The following NDEL1 variants were observed in gnomAD, a reference collection of about 807,000 sequenced individuals.
NDEL1 encodes nudE neurodevelopment protein 1 like 1, also known as nuclear distribution protein nudE-like 1.
In NDEL1, 9 loss-of-function variants were observed where a neutral mutation model predicts 45.7. That is an observed-to-expected ratio of 0.20 (90% CI 0.12 to 0.34). NDEL1 has a LOEUF of 0.34. Ranked by LOEUF, NDEL1 falls within the 10% of genes least tolerant of loss-of-function variation. The pLI is 1.00. For synonymous variants in NDEL1, 133 were observed against 158.6 expected (o/e 0.84, Z 1.21); for missense variants, 306 against 406.2 (o/e 0.75, Z 2.12).
chr17:8,429,158 T>C lies in NDEL1; in HGVS notation c.-12-15102T>C, dbSNP rs192353910. Among the ~76,000 whole-genome samples the C allele has an allele frequency of 1.5e-3, 231 of 152,324 alleles. 2 individuals carry two copies. The highest frequency in any genetic ancestry group is 1.7e-3 in the Non-Finnish European group (115 of 68,020). On this transcript the variant is annotated intron_variant, in intron 1 of 4. Coordinates refer to the NDEL1 transcript ENST00000582812. ...TATATCATCTAAGTTCAGCCTTTCA[T>C]ACCAGCGAAAATCTCTGTCTATGGT...
intron 1 of NDEL1, among the ~76,000 whole-genome samples, chr17:8,413,499 G>A (rs537972321): frequency 3.9e-5 from 6 of 152,256 alleles, no homozygotes; most frequent in African/African-American, 9.6e-5. Flanking sequence ...TATCATTTGC[G>A]CACATCTTCC....
intron 1 of NDEL1, among the ~76,000 whole-genome samples, chr17:8,441,839 C>G (rs1909755809): frequency 1.3e-5 from 2 of 152,114 alleles, no homozygotes; most frequent in African/African-American, 2.4e-5. Context: ...CTGTCCAGGT[C>G]ATGGTTTTCT....
intron 1 of NDEL1, chr17:8,444,057 G>C: frequency 2.2e-6 from 1 of 453,636 alleles, no homozygotes; most frequent in African/African-American, 2.0e-5. Flanking sequence ...CCTTTGTCAT[G>C]ATCTCATTCA....
At chr17:8,452,376 A>G (rs1910560036) in intron 6 of NDEL1, among the ~76,000 whole-genome samples, 1 of 152,184 alleles carries the variant, frequency 6.6e-6, no homozygotes, top group African/African-American at 2.4e-5. Context: ...GTTTTCATTC[A>G]GGGACTTGGG....
Position 8,445,795 on chromosome 17 carries a change from G to T in NDEL1, c.171G>T (p.Gln57His), listed in dbSNP as rs777895464. The change falls in exon 3 of 9, where the codon CAG becomes CAT. Residue 57 changes from glutamine to histidine, a missense_variant. By Grantham distance (24) the Gln-to-His change is conservative (BLOSUM62 0). Around this residue, in one of 3 missense-constraint regions of NDEL1, gnomAD observed 112 missense variants for 148.3 expected, o/e 0.76. Coordinates refer to ENST00000334527, the MANE Select transcript of NDEL1 (RefSeq NM_030808.5). ...LEAELEAQLV[Q>H]AEQRNRDLQA... The stretch of plus-strand genomic sequence containing the variant: ...CAGAGTTGGAGGCACAATTAGTACA[G>T]GCTGAACAAAGAAATAGAGACTTGC... 1 of 1,589,212 alleles carries T rather than the reference G, an allele frequency of 6.3e-7. No individual in the cohort carries two copies. The highest frequency in any genetic ancestry group is 8.5e-7 in the Non-Finnish European group (1 of 1,171,150).
chr17:8,453,694 A>G (rs1413924345), intron 6 of NDEL1, among the ~76,000 whole-genome samples: 2 of 152,206 alleles, frequency 1.3e-5, no homozygotes. Flanking sequence ...TCAATCTGTA[A>G]TTTCAACTTC....
chr17:8,451,962 T>G (rs888120072), intron 6 of NDEL1, among the ~76,000 whole-genome samples: 1 of 152,236 alleles, frequency 6.6e-6, no homozygotes. Context: ...AAATTCAGTT[T>G]CTTTGTCACA....
upstream of NDEL1, among the ~76,000 whole-genome samples, chr17:8,433,273 G>T (rs1909062679): frequency 6.6e-6 from 1 of 152,216 alleles, no homozygotes; most frequent in Admixed American, 6.5e-5. Flanking sequence ...AATCTGTTGA[G>T]ATATCTGTGG....
chr17:8,418,279 C>T (rs890297385), intron 1 of NDEL1, among the ~76,000 whole-genome samples: 6 of 152,126 alleles, frequency 3.9e-5, no homozygotes, highest in African/African-American at 1.4e-4. Flanking sequence ...TGAAGATACA[C>T]GTGTTTAATC....
chr17:8,457,653 T>C (rs1299177817), intron 7 of NDEL1, among the ~76,000 whole-genome samples: 1 of 152,244 alleles, frequency 6.6e-6, no homozygotes, highest in Non-Finnish European at 1.5e-5. Context: ...TTAAGCTTCT[T>C]TGATTTCTTT....
chr17:8,435,560 G>A (rs1178940367), upstream of NDEL1, among the ~76,000 whole-genome samples: 2 of 152,222 alleles, frequency 1.3e-5, no homozygotes, highest in African/African-American at 2.4e-5. Context: ...TTTTATAAAC[G>A]GGAACACAGA....
At chr17:8,440,823 A>C (rs1049017933) in intron 1 of NDEL1, among the ~76,000 whole-genome samples, 2 of 152,242 alleles carry the variant, frequency 1.3e-5, no homozygotes, top group Admixed American at 6.5e-5. Flanking sequence ...TCTTCAAAGC[A>C]TTAACTGCTA....
At chr17:8,442,756 C>A (rs1597531509) in intron 1 of NDEL1, among the ~76,000 whole-genome samples, 2 of 133,642 alleles carry the variant, frequency 1.5e-5, no homozygotes, top group Non-Finnish European at 3.2e-5. Context: ...TTCTATGCAT[C>A]TCCAGGTTTT....
intron 6 of NDEL1, among the ~76,000 whole-genome samples, chr17:8,452,511 CT>C (rs1294085685): frequency 6.6e-6 from 1 of 152,068 alleles, no homozygotes; most frequent in African/African-American, 2.4e-5. Flanking sequence ...ACTGGCTAAC[CT>C]AAAAGCTGCT....
chr17:8,428,658 T>C (rs1378887808), intron 1 of NDEL1, among the ~76,000 whole-genome samples: 3 of 140,528 alleles, frequency 2.1e-5, no homozygotes, highest in Non-Finnish European at 3.1e-5. Flanking sequence ...CCCCCATGCC[T>C]GGCCCCAAGT....
chr17:8,470,438 A>G (rs755269321), downstream of NDEL1, among the ~76,000 whole-genome samples: 5 of 152,148 alleles, frequency 3.3e-5, no homozygotes, highest in Non-Finnish European at 5.9e-5. The surrounding 1 kb of genome is among the most constrained non-coding windows in gnomAD (Gnocchi z 4.2). Flanking sequence ...GTCTTACAAG[A>G]GAGTAGTAGC....
At chr17:8,423,529 C>CA (rs908608572) in intron 1 of NDEL1, among the ~76,000 whole-genome samples, 11 of 151,986 alleles carry the variant, frequency 7.2e-5, no homozygotes, top group African/African-American at 2.7e-4. Flanking sequence ...ACTAAAAATA[C>CA]AAAAAATAGC....
chr17:8,465,894 C>A lies in NDEL1; in HGVS notation c.945-1036C>A. ...CTTGCTGCTTCCTGTGGCTGCGCTG[C>A]ATGGTGCGTGAGGGGGATGCTTGGG... is the stretch of plus-strand genomic sequence containing the variant. On this transcript the variant is annotated intron_variant, in intron 8 of 8. Coordinates refer to ENST00000334527, the MANE Select transcript of NDEL1 (RefSeq NM_030808.5). This position sits in a 1 kb window ranked among gnomAD's most constrained non-coding sequence, Gnocchi z 4.9. The A allele has an allele frequency of 6.5e-6, 1 of 152,712 alleles. No homozygotes were observed. The highest frequency in any genetic ancestry group is 1.5e-5 in the Non-Finnish European group (1 of 68,412). The allele number at this position is 152,712 out of a possible 1,614,324, so 9.5% of individuals were successfully genotyped here.
At chr17:8,448,043 A>G (rs1402623694) in intron 4 of NDEL1, among the ~76,000 whole-genome samples, 5 of 152,208 alleles carry the variant, frequency 3.3e-5, no homozygotes, top group South Asian at 4.2e-4. Context: ...GTGACACCCT[A>G]TGCAAATGTC....
Sources: gnomAD v4.1 joint callset for allele counts (sites outside exome capture counted in the v4.1 genomes callset) on GRCh38, gnomAD v4.1.1 for gene constraint, gnomAD v4.1.1 regional missense constraint, Gnocchi (gnomAD v3.1) non-coding constraint, MANE v1.5 for transcripts, NCBI Gene and HGNC (gene_info 2026-07-23, HGNC 2026-07-21) for gene names.